CNTN4: variants seen among roughly 807,000 people sequenced by gnomAD.
CNTN4 encodes contactin 4, also known as contactin-4.
In CNTN4, 77 loss-of-function variants were observed where a neutral mutation model predicts 122.5. The ratio of observed to expected loss-of-function variants is 0.63; its 90% CI spans 0.52 to 0.76. The LOEUF (loss-of-function observed/expected upper bound fraction) is 0.76. Among genes scored for constraint, CNTN4 ranks in the 30% least tolerant of loss-of-function variants. The pLI is 0.00. For synonymous variants in CNTN4, 512 were observed against 447.0 expected (o/e 1.15, Z -1.83); for missense variants, 1,256 against 1,259.1 (o/e 1.00, Z 0.04).
chr3:2,829,681 C>T (rs2093061782), intron 7 of CNTN4, among the ~76,000 whole-genome samples: 1 of 152,168 alleles, frequency 6.6e-6, no homozygotes, highest in Non-Finnish European at 1.5e-5. Flanking sequence ...TGTTTCATGA[C>T]TATACTTTTG....
chr3:2,803,017 A>G (rs2092384865), intron 6 of CNTN4, among the ~76,000 whole-genome samples: 2 of 152,326 alleles, frequency 1.3e-5, no homozygotes, highest in Admixed American at 6.5e-5. Context: ...AAAGACAGAG[A>G]TATAGTAGGA....
chr3:3,031,100 A>G lies in CNTN4; in HGVS notation c.1783+125A>G. 3 of 1,252,604 alleles carry G rather than the reference A, an allele frequency of 2.4e-6. No individual in the cohort carries two copies. In the East Asian group the frequency reaches 7.0e-5, roughly 29 times the overall value. The allele number at this position is 1,252,604 out of a possible 1,614,324, so 77.6% of individuals were successfully genotyped here. A position where few individuals can be genotyped will look rare whatever the true frequency, so the allele number is the denominator to read the frequency against. On this transcript the variant is annotated intron_variant, in intron 16 of 24. Coordinates refer to ENST00000418658, the MANE Select transcript of CNTN4 (RefSeq NM_175607.3). Reference sequence around the variant, plus strand: ...AAGTCAGGCAGAAGCTGAACATTGTAAACAGTGGCTAACAGTCCACAGAAG... The same window carrying G: ...AAGTCAGGCAGAAGCTGAACATTGTGAACAGTGGCTAACAGTCCACAGAAG...
At chr3:2,565,204 TATC>T (rs2079105714) in intron 3 of CNTN4, among the ~76,000 whole-genome samples, 1 of 152,180 alleles carries the variant, frequency 6.6e-6, no homozygotes, top group African/African-American at 2.4e-5. Flanking sequence ...TTCCCGAATA[TATC>T]ATCCAGGTCC....
At chr3:2,338,774 C>T (rs532194988) in intron 2 of CNTN4, among the ~76,000 whole-genome samples, 3 of 151,888 alleles carry the variant, frequency 2.0e-5, no homozygotes, top group Non-Finnish European at 2.9e-5. Context: ...ATTCATATAC[C>T]TAACAAAAAC....
At chr3:2,596,413 G>C (rs1202695942) in intron 4 of CNTN4, among the ~76,000 whole-genome samples, 1 of 152,034 alleles carries the variant, frequency 6.6e-6, no homozygotes, top group East Asian at 1.9e-4. Flanking sequence ...TTTTCATTTA[G>C]ATAAAGATGA....
intron 3 of CNTN4, among the ~76,000 whole-genome samples, chr3:2,493,716 C>G (rs999916272): frequency 9.9e-5 from 15 of 152,120 alleles, no homozygotes; most frequent in Admixed American, 5.9e-4. Flanking sequence ...ACTGTAATTG[C>G]TAACACATTC....
chr3:2,135,732 A>C (rs187976741), intron 2 of CNTN4, among the ~76,000 whole-genome samples: 1 of 152,288 alleles, frequency 6.6e-6, no homozygotes, highest in East Asian at 1.9e-4. Flanking sequence ...TTGTCTTCAC[A>C]AGTGTAGCTC....
chr3:2,371,016 G>C (rs2150658956), intron 3 of CNTN4, among the ~76,000 whole-genome samples: 1 of 152,302 alleles, frequency 6.6e-6, no homozygotes, highest in East Asian at 1.9e-4. Flanking sequence ...TTTATATCGA[G>C]TGAGAATTAC....
intron 4 of CNTN4, among the ~76,000 whole-genome samples, chr3:2,681,436 G>C (rs1370858001): frequency 6.6e-6 from 1 of 152,208 alleles, no homozygotes; most frequent in Non-Finnish European, 1.5e-5. Context: ...ACAGGATCAG[G>C]AGATGACTTA....
intron 3 of CNTN4, among the ~76,000 whole-genome samples, chr3:2,508,604 C>T (rs147967923): frequency 3.3e-4 from 51 of 152,260 alleles, no homozygotes; most frequent in African/African-American, 1.2e-3. Flanking sequence ...TTAGCCTTGA[C>T]AAGAGTGTTG....
intron 10 of CNTN4, among the ~76,000 whole-genome samples, chr3:2,891,338 A>G (rs2094037875): frequency 1.3e-5 from 2 of 152,134 alleles, no homozygotes; most frequent in South Asian, 4.2e-4. Context: ...TCCCAACTAC[A>G]CGGGAGGCTG....
At chr3:2,726,919 GAGA>G (rs1559434589) in intron 4 of CNTN4, among the ~76,000 whole-genome samples, 1 of 152,212 alleles carries the variant, frequency 6.6e-6, no homozygotes, top group African/African-American at 2.4e-5. Context: ...AAACTGTGTG[GAGA>G]AGGAGTGTAG....
rs2079376815 is a variant in CNTN4, at chr3:2,570,509, TA to T, written c.-88-903del. Among the ~76,000 whole-genome samples the T allele has an allele frequency of 2.0e-5, 3 of 152,276 alleles. No homozygotes were observed. The South Asian group carries it at 6.2e-4, about 32-fold the overall frequency. ...GTATTTTGAACTAATTTTCAATACT[TA>T]AAACTTAGGAGATTTTCAAAATACA... On this transcript the variant is annotated intron_variant, in intron 3 of 24. Transcript: ENST00000418658.
intron 14 of CNTN4, among the ~76,000 whole-genome samples, chr3:2,991,943 C>T (rs572064052): frequency 2.6e-5 from 4 of 152,182 alleles, no homozygotes; most frequent in Non-Finnish European, 4.4e-5. Flanking sequence ...GGGATTAAAA[C>T]ACCGTGAAGG....
intron 3 of CNTN4, among the ~76,000 whole-genome samples, chr3:2,428,882 G>A (rs374271170): frequency 1.2e-3 from 177 of 152,286 alleles, no homozygotes; most frequent in African/African-American, 3.8e-3. Context: ...TGAAGCTTAT[G>A]CATGCATCAG....
chr3:2,707,959 C>T (rs967757056), intron 4 of CNTN4, among the ~76,000 whole-genome samples: 2 of 152,126 alleles, frequency 1.3e-5, no homozygotes, highest in African/African-American at 4.8e-5. Context: ...TAATATGTTA[C>T]TATTACTTCC....
rs117746884 is a variant in CNTN4, at chr3:2,784,795, A to G, written c.359-34691A>G. Among the ~76,000 whole-genome samples the G allele has an allele frequency of 1.1e-3, 162 of 152,332 alleles. 2 individuals are homozygous for G. The East Asian group carries it at 0.026, about 24-fold the overall frequency. ...TTCCCCCTCTGATAAAAGAGATAAT[A>G]TGACTCACCTGACCAGATGGTTTTA... On this transcript the variant is annotated intron_variant, in intron 6 of 24. Transcript: ENST00000418658.
intron 3 of CNTN4, 118 bp from the exon 4 acceptor site, chr3:2,571,298 C>A: frequency 1.6e-6 from 1 of 610,550 alleles, no homozygotes; most frequent in Non-Finnish European, 2.9e-6. Context: ...CCTTTCTTCC[C>A]CTCCAATGGT....
At chr3:2,384,756 G>A (rs2046174547) in intron 3 of CNTN4, among the ~76,000 whole-genome samples, 1 of 131,570 alleles carries the variant, frequency 7.6e-6, no homozygotes, top group South Asian at 2.5e-4. Flanking sequence ...ACAACTCAAT[G>A]TGTGCGTGTG....
Sources: allele counts gnomAD v4.1 joint callset (sites outside exome capture counted in the v4.1 genomes callset), GRCh38; gene constraint gnomAD v4.1.1; transcripts MANE v1.5; gene names NCBI Gene and HGNC (gene_info 2026-07-23, HGNC 2026-07-21).